Variants in FBXO11 observed in about 807,000 individuals in gnomAD.
FBXO11 encodes F-box only protein 11.
A neutral mutation model predicts 117.0 loss-of-function variants in FBXO11; 13 were observed. The observed-to-expected ratio is 0.11, with a 90% CI of 0.07 to 0.18. The LOEUF is 0.18. FBXO11 is among the 10% of genes least tolerant of loss of function. FBXO11 has a pLI of 1.00. For synonymous variants in FBXO11, 490 were observed against 380.5 expected, an observed-to-expected ratio of 1.29 and a Z score of -3.35; for missense variants, 767 against 1,164.4, an observed-to-expected ratio of 0.66 and a Z score of 4.97.
intron 1 of FBXO11, among the ~76,000 whole-genome samples, chr2:47,855,288 C>T (rs1041883309): frequency 1.3e-5 from 2 of 151,772 alleles, no homozygotes; most frequent in East Asian, 1.9e-4. Flanking sequence ...GCAGCCTCGA[C>T]TTCTGGAGCT....
At chr2:47,818,556 G>A (rs567887755) in intron 16 of FBXO11, 11 of 439,290 alleles carry the variant, frequency 2.5e-5, no homozygotes, top group South Asian at 1.1e-4. Context: ...AAAGCAGAAC[G>A]GTGGAAGTGA....
intron 11 of FBXO11, among the ~76,000 whole-genome samples, chr2:47,827,935 G>A (rs951799553): frequency 1.3e-5 from 2 of 151,638 alleles, no homozygotes; most frequent in African/African-American, 4.8e-5. Context: ...GGCCTCAAGT[G>A]ATCCACCTGC....
chr2:47,886,795 G>A (rs566430907), intron 1 of FBXO11, among the ~76,000 whole-genome samples: 1 of 151,392 alleles, frequency 6.6e-6, no homozygotes, highest in Non-Finnish European at 1.5e-5. Flanking sequence ...TGTTTTTAAT[G>A]AAAAAAAGTG....
chr2:47,900,417 T>C (rs1460942165), intron 1 of FBXO11, among the ~76,000 whole-genome samples: 1 of 151,980 alleles, frequency 6.6e-6, no homozygotes, highest in Non-Finnish European at 1.5e-5. Flanking sequence ...GAAGTTAAAA[T>C]ATCACATGCT....
chr2:47,841,599 T>C (rs1673014190), intron 1 of FBXO11, among the ~76,000 whole-genome samples: 1 of 152,104 alleles, frequency 6.6e-6, no homozygotes, highest in Admixed American at 6.6e-5. Context: ...TAAGGAAAAC[T>C]TTATAAAACA....
chr2:47,899,707 A>C (rs1297194846), intron 1 of FBXO11, among the ~76,000 whole-genome samples: 1 of 152,216 alleles, frequency 6.6e-6, no homozygotes, highest in Non-Finnish European at 1.5e-5. Flanking sequence ...TTTGGGGAAT[A>C]CTTTGCCAAC....
intron 1 of FBXO11, among the ~76,000 whole-genome samples, chr2:47,887,890 C>T (rs549082714): frequency 6.6e-6 from 1 of 152,040 alleles, no homozygotes; most frequent in Non-Finnish European, 1.5e-5. Flanking sequence ...GAGGGACACA[C>T]CTGTAGTCCT....
intron 1 of FBXO11, among the ~76,000 whole-genome samples, chr2:47,860,484 C>T (rs1418392611): frequency 1.3e-5 from 2 of 151,648 alleles, no homozygotes; most frequent in Non-Finnish European, 2.9e-5. Context: ...AATCTCGGCC[C>T]ACTGAAACCT....
intron 19 of FBXO11, 144 bp downstream of exon 19, chr2:47,810,172 T>C (rs1419847229): frequency 3.5e-6 from 2 of 579,666 alleles, no homozygotes; most frequent in Non-Finnish European, 3.0e-6. Context: ...GATTAGGTGC[T>C]CTTGTAAGTG....
At position 47,835,928 on chromosome 2, in the gene FBXO11, T is replaced by A; in HGVS notation, c.661A>T (p.Ile221Phe). 1 of 1,612,020 alleles carries A rather than the reference T, an allele frequency of 6.2e-7. No homozygotes were observed. Among genetic ancestry groups the A allele is most frequent in the Non-Finnish European group, 8.5e-7 (1 of 1,178,262 alleles). ...MHPEPGKFYQ[I>F]NPEEYEHPNP... The stretch of plus-strand genomic sequence containing the variant: ...GGATGTTCATACTCTTCTGGATTAA[T>A]CTGGTAGAATTTTCCAGGTTCAGGA... Residue 221 changes from isoleucine to phenylalanine, a missense_variant, in exon 5 of 23, where the codon ATT becomes TTT. By Grantham distance (21) the Ile-to-Phe change is conservative. Coordinates refer to ENST00000403359, the MANE Select transcript of FBXO11 (RefSeq NM_001190274.2).
chr2:47,823,402 T>C, intron 11 of FBXO11, 42 bp from the exon 12 acceptor site: 19 of 1,407,850 alleles, frequency 1.3e-5, no homozygotes, highest in Non-Finnish European at 1.4e-5. Context: ...AAGCCTACTT[T>C]ACAAAAAAAG....
chr2:47,830,355 T>C (rs906537319), intron 11 of FBXO11, among the ~76,000 whole-genome samples: 3 of 152,106 alleles, frequency 2.0e-5, no homozygotes, highest in East Asian at 3.9e-4. Context: ...GAATTCAAGC[T>C]ACAATATCCA....
At position 47,905,563 on chromosome 2, in the gene FBXO11, TGCTGCTGCTGCGGCGGCGGCGGAG is replaced by T. The variant is rs1371955576; in HGVS notation, c.134_157del (p.Pro45_Gln52del). 2.5e-5 allele frequency: 31 copies of T among 1,250,206 alleles called. No individual in the cohort carries two copies. The highest frequency in any genetic ancestry group is 4.2e-5 in the Admixed American group (1 of 24,080). The allele number at this position is 1,250,206 out of a possible 1,614,324, so 77.4% of individuals were successfully genotyped here. On this transcript the variant is annotated inframe_deletion, in exon 1 of 23. Transcript: ENST00000403359. Reference sequence around the variant, plus strand: ...TGGCGGCGGCGGAGGCTGCTGCTGCTGCTGCTGCTGCGGCGGCGGCGGAGGCTGCTGCTGGGGCGGCTGCTGCTG... The same window carrying T: ...TGGCGGCGGCGGAGGCTGCTGCTGCTGCTGCTGCTGGGGCGGCTGCTGCTG...
In FBXO11 at chr2:47,832,543, G is replaced by GA. The variant is rs368351892; in HGVS notation, c.1260+28dup. 6.7e-5 allele frequency: 107 copies of GA among 1,606,368 alleles called. 1 individual carries two copies. The African/African-American group carries it at 7.3e-4, about 11-fold the overall frequency. ...AGAGCTTTTAAACATTTTCTAAAAA[G>GA]AAAAAAACCACACAAAATTAAAAAA... On this transcript the variant is annotated intron_variant, in intron 10 of 22. Transcript: ENST00000403359.
rs1258941864 is a variant in FBXO11 at position 47,839,697 on chromosome 2, C to T, written c.305G>A (p.Arg102His). The T allele has an allele frequency of 3.7e-6, 6 of 1,613,922 alleles. No individual in the cohort carries two copies. The highest frequency in any genetic ancestry group is 1.7e-5 in the Admixed American group (1 of 59,984). Residue 102 changes from arginine (R) to histidine (H), a missense_variant, in exon 2 of 23, where the codon CGT becomes CAT. Physicochemically the swap from Arg to His is conservative, Grantham distance 29. Transcript: ENST00000403359. ...TCTTTTCGGCAAAAGAGTTTTTCTA[C>T]GAAGTTGGTATGGACTATTTTGTGC... ...PGAQNSPYQL[R>H]RKTLLPKRTA...
At chr2:47,888,759 A>C in intron 1 of FBXO11, 1 of 562,810 alleles carries the variant, frequency 1.8e-6, no homozygotes, top group Non-Finnish European at 2.3e-6. Context: ...CACCCAAACC[A>C]CACACACTTC....
intron 1 of FBXO11, among the ~76,000 whole-genome samples, chr2:47,850,671 T>C (rs756251898): frequency 2.0e-5 from 3 of 152,172 alleles, no homozygotes; most frequent in African/African-American, 4.8e-5. Context: ...GGGCCCAGAA[T>C]TGACCAAAGT....
chr2:47,808,049 A>ATCT lies in FBXO11; in HGVS notation c.*66_*68dup. 1 of 1,386,246 alleles carries ATCT rather than the reference A, an allele frequency of 7.2e-7. No individual in the cohort carries two copies. Among genetic ancestry groups the ATCT allele is most frequent in the South Asian group, 1.3e-5 (1 of 79,144 alleles). 85.9% of individuals were successfully genotyped at this position (1,386,246 alleles called of 1,614,324 possible). On this transcript the variant is annotated 3_prime_UTR_variant, in exon 23 of 23. Transcript: ENST00000403359. ...CCTGTAGCATGGGCAAATATTTTAA[A>ATCT]TCTTCTTCCAAAAAAGTGTTTTAAG...
At chr2:47,847,975 T>G (rs961700291) in intron 1 of FBXO11, among the ~76,000 whole-genome samples, 3 of 151,586 alleles carry the variant, frequency 2.0e-5, no homozygotes, top group African/African-American at 7.3e-5. Flanking sequence ...ATACAAAAAA[T>G]TAGCCGGGCG....
Sources: gnomAD v4.1 joint callset for allele counts (sites outside exome capture counted in the v4.1 genomes callset) on GRCh38, gnomAD v4.1.1 for gene constraint, MANE v1.5 for transcripts, NCBI Gene and HGNC (gene_info 2026-07-23, HGNC 2026-07-21) for gene names.